Variants in OLFM2 observed in about 807,000 individuals in gnomAD.
The protein encoded by OLFM2 is noelin-2.
Under a neutral mutation model 43.9 loss-of-function variants are expected in OLFM2, and 20 were observed. The ratio of observed to expected loss-of-function variants is 0.46; its 90% confidence interval spans 0.32 to 0.66. The LOEUF (loss-of-function observed/expected upper bound fraction) is 0.66. Ranked by LOEUF, OLFM2 falls within the 30% of genes least tolerant of loss-of-function variation. The pLI is 0.04. For synonymous variants in OLFM2, 268 were observed against 278.6 expected (o/e 0.96, Z 0.38); for missense variants, 416 against 643.6 (o/e 0.65, Z 3.83).
chr19:9,932,193 C>T (rs1402309990), intron 1 of OLFM2, among the ~76,000 whole-genome samples: 2 of 149,852 alleles, frequency 1.3e-5, no homozygotes, highest in South Asian at 2.1e-4. Context: ...GGCGTGGTGG[C>T]TCATGCCTAT....
chr19:9,935,668 C>T (rs924722282), intron 1 of OLFM2, among the ~76,000 whole-genome samples: 2 of 152,160 alleles, frequency 1.3e-5, no homozygotes, highest in African/African-American at 4.8e-5. Context: ...CATCTGGAGC[C>T]AGTAATGAGG....
chr19:9,898,263 T>C (rs2046704127), intron 1 of OLFM2, among the ~76,000 whole-genome samples: 1 of 149,228 alleles, frequency 6.7e-6, no homozygotes, highest in Non-Finnish European at 1.5e-5. Flanking sequence ...GGCTCATGCC[T>C]GTAATCTCAG....
At chr19:9,879,244 T>C (rs1165115218) in intron 1 of OLFM2, among the ~76,000 whole-genome samples, 2 of 152,336 alleles carry the variant, frequency 1.3e-5, no homozygotes, top group Non-Finnish European at 2.9e-5. Flanking sequence ...GCGATTCTCC[T>C]GCCTCAGCCT....
At chr19:9,874,984 C>T (rs1427913299) in intron 1 of OLFM2, among the ~76,000 whole-genome samples, 3 of 152,160 alleles carry the variant, frequency 2.0e-5, no homozygotes, top group Admixed American at 6.6e-5. Context: ...TAACCCAATG[C>T]AGTAGCTGCT....
At chr19:9,907,587 A>C (rs528947747) in intron 1 of OLFM2, among the ~76,000 whole-genome samples, 2 of 152,350 alleles carry the variant, frequency 1.3e-5, no homozygotes, top group South Asian at 2.1e-4. Flanking sequence ...TCTGCCGTCC[A>C]AGAATTCTAG....
At chr19:9,913,181 G>A (rs555753388) in intron 1 of OLFM2, among the ~76,000 whole-genome samples, 1 of 152,248 alleles carries the variant, frequency 6.6e-6, no homozygotes, top group South Asian at 2.1e-4. Flanking sequence ...TGGGGCCGGA[G>A]CGAGCCTGGT....
chr19:9,928,794 G>A (rs2086467322), intron 1 of OLFM2, among the ~76,000 whole-genome samples: 1 of 150,874 alleles, frequency 6.6e-6, no homozygotes, highest in African/African-American at 2.4e-5. Context: ...GACAGAGTGA[G>A]ACTCTGTCTA....
Position 9,854,474 on chromosome 19 carries a change from C to T in OLFM2, c.1077G>A (p.Arg359=). The change falls in exon 6 of 6, where the codon CGG becomes CGA. Residue 359 remains arginine, a synonymous_variant. Coordinates refer to ENST00000264833, the MANE Select transcript of OLFM2 (RefSeq NM_058164.4). The surrounding 1 kb of genome is among the most constrained non-coding windows in gnomAD (Gnocchi z 9.5). ...RLDPHTLEVM[R]SWDTGYPKRS... The stretch of plus-strand genomic sequence containing the variant: ...GCTTGGGGTAGCCGGTGTCCCAGGA[C>T]CGCATGACCTCGAGGGTGTGCGGGT... 6.2e-7 allele frequency: 1 copy of T among 1,614,078 alleles called. No homozygotes were observed. The highest frequency in any genetic ancestry group is 8.5e-7 in the Non-Finnish European group (1 of 1,180,038).
Position 9,858,000 on chromosome 19 carries a change from C to G in OLFM2, c.214-139G>C. Reference sequence around the variant, plus strand: ...GCCACCTTCTCCTCCCCTGAGCTTACCAGCAGCCTCCCAATTGCGTGCCCA... The same window carrying G: ...GCCACCTTCTCCTCCCCTGAGCTTAGCAGCAGCCTCCCAATTGCGTGCCCA... On this transcript the variant is annotated intron_variant, in intron 2 of 5. Transcript: ENST00000264833. The surrounding 1 kb of genome is among the most constrained non-coding windows in gnomAD (Gnocchi z 5.7). 1 of 1,027,894 alleles carries G rather than the reference C, an allele frequency of 9.7e-7. No homozygotes were observed. Among genetic ancestry groups the G allele is most frequent in the South Asian group, 1.4e-5 (1 of 73,764 alleles). 63.7% of individuals were successfully genotyped at this position (1,027,894 alleles called of 1,614,324 possible).
intron 1 of OLFM2, among the ~76,000 whole-genome samples, chr19:9,890,947 T>G (rs1032939110): frequency 1.5e-4 from 22 of 148,402 alleles, no homozygotes; most frequent in Admixed American, 1.3e-3. Context: ...AGCAAAACCC[T>G]GTCTCTGAAA....
chr19:9,908,885 AT>A (rs2046805689), intron 1 of OLFM2, among the ~76,000 whole-genome samples: 1 of 151,536 alleles, frequency 6.6e-6, no homozygotes, highest in Non-Finnish European at 1.5e-5. Context: ...CTAAAAATGT[AT>A]TTTCTTTTGG....
intron 1 of OLFM2, among the ~76,000 whole-genome samples, chr19:9,868,876 C>T (rs1177170949): frequency 6.6e-5 from 10 of 151,088 alleles, no homozygotes. Context: ...TTCATGGCTG[C>T]AGTGAGCTAT....
intron 1 of OLFM2, among the ~76,000 whole-genome samples, chr19:9,917,309 G>A (rs1236178507): frequency 1.3e-5 from 2 of 152,116 alleles, no homozygotes; most frequent in East Asian, 3.8e-4. Flanking sequence ...AAGTAGCTGG[G>A]ACTACAGATG....
intron 1 of OLFM2, among the ~76,000 whole-genome samples, chr19:9,904,921 AG>A (rs2046772247): frequency 6.6e-6 from 1 of 152,144 alleles, no homozygotes; most frequent in African/African-American, 2.4e-5. Context: ...TGGGAGGCTC[AG>A]GCAGGAGGAT....
At chr19:9,933,971 T>C (rs773143215) in intron 1 of OLFM2, among the ~76,000 whole-genome samples, 18 of 152,236 alleles carry the variant, frequency 1.2e-4, no homozygotes, top group Non-Finnish European at 2.5e-4. Flanking sequence ...TTCTGTCTCC[T>C]CTGCTAGGTC....
intron 1 of OLFM2, among the ~76,000 whole-genome samples, chr19:9,919,168 T>TTC (rs200274998): frequency 3.0e-5 from 4 of 131,534 alleles, no homozygotes; most frequent in African/African-American, 1.1e-4. Context: ...GAGACCTCAT[T>TTC]TCTCTCTCTT....
intron 1 of OLFM2, among the ~76,000 whole-genome samples, chr19:9,897,220 T>C (rs991927279): frequency 1.3e-5 from 2 of 151,738 alleles, no homozygotes; most frequent in Non-Finnish European, 2.9e-5. Context: ...TCCCAGCTAC[T>C]TGGGAGGCTG....
At chr19:9,895,146 C>T (rs1355892116) in intron 1 of OLFM2, among the ~76,000 whole-genome samples, 1 of 152,160 alleles carries the variant, frequency 6.6e-6, no homozygotes, top group African/African-American at 2.4e-5. Context: ...ATTCATGCAT[C>T]ATTCTTCATC....
chr19:9,921,632 G>T (rs1296092596), intron 1 of OLFM2, among the ~76,000 whole-genome samples: 3 of 152,028 alleles, frequency 2.0e-5, no homozygotes, highest in African/African-American at 7.2e-5. Flanking sequence ...GGGACTACAG[G>T]CGCCCGCCAC....
Sources: gnomAD v4.1 joint callset for allele counts (sites outside exome capture counted in the v4.1 genomes callset) on GRCh38, gnomAD v4.1.1 for gene constraint, Gnocchi (gnomAD v3.1) non-coding constraint, MANE v1.5 for transcripts, NCBI Gene and HGNC (gene_info 2026-07-23, HGNC 2026-07-21) for gene names.